PREX2: variants seen among roughly 807,000 people sequenced by gnomAD.
PREX2 encodes phosphatidylinositol-3,4,5-trisphosphate dependent Rac exchange factor 2, also known as phosphatidylinositol 3,4,5-trisphosphate-dependent Rac exchanger 2 protein.
PREX2 carries 107 observed loss-of-function variants against 203.2 expected under a neutral mutation model. The observed-to-expected ratio is 0.53, with a 90% confidence interval of 0.45 to 0.62. The LOEUF (loss-of-function observed/expected upper bound fraction) is 0.62, where lower values mean the gene tolerates loss of function less well. Ranked by LOEUF, PREX2 falls within the 20% of genes least tolerant of loss-of-function variation. PREX2 has a pLI of 0.00. For missense variants in PREX2, 1,777 were observed against 1,955.9 expected (o/e 0.91, Z 1.72); for synonymous variants, 672 against 663.6 (o/e 1.01, Z -0.19).
intron 1 of PREX2, among the ~76,000 whole-genome samples, chr8:67,988,206 C>T (rs1806492943): frequency 6.6e-6 from 1 of 152,188 alleles, no homozygotes; most frequent in African/African-American, 2.4e-5. Flanking sequence ...TCTGGTCAGC[C>T]TCTTCCCTCA....
intron 35 of PREX2, among the ~76,000 whole-genome samples, chr8:68,175,434 T>G (rs1811959703): frequency 6.6e-6 from 1 of 152,080 alleles, no homozygotes. Context: ...CTGTGCACCC[T>G]GTGGTACCAT....
intron 1 of PREX2, among the ~76,000 whole-genome samples, chr8:67,963,250 T>C (rs1374736720): frequency 2.6e-5 from 4 of 152,092 alleles, no homozygotes; most frequent in African/African-American, 9.7e-5. Flanking sequence ...TATGAGGATG[T>C]GATGGCAGGT....
chr8:68,211,519 T>C (rs1420272217), intron 37 of PREX2, among the ~76,000 whole-genome samples: 2 of 152,174 alleles, frequency 1.3e-5, no homozygotes, highest in Non-Finnish European at 2.9e-5. Flanking sequence ...TGGCCAGGTA[T>C]CACACTCATC....
intron 32 of PREX2, among the ~76,000 whole-genome samples, chr8:68,135,134 AT>A (rs979612922): frequency 2.6e-4 from 24 of 94,040 alleles, no homozygotes; most frequent in African/African-American, 8.3e-4. Context: ...TGAATTACAT[AT>A]GATAGGAAGC....
intron 21 of PREX2, among the ~76,000 whole-genome samples, chr8:68,093,999 G>T (rs1364081670): frequency 6.6e-6 from 1 of 152,176 alleles, no homozygotes; most frequent in Non-Finnish European, 1.5e-5. Context: ...TCTTTTTTGA[G>T]TGGAGAAAAC....
intron 14 of PREX2, among the ~76,000 whole-genome samples, chr8:68,075,664 G>T (rs183644010): frequency 1.2e-3 from 185 of 152,236 alleles, no homozygotes; most frequent in African/African-American, 4.2e-3. Context: ...GTGCTTGAGT[G>T]GTTTAATATA....
chr8:68,073,521 T>C (rs1012514636), intron 14 of PREX2, among the ~76,000 whole-genome samples: 6 of 152,198 alleles, frequency 3.9e-5, no homozygotes, highest in African/African-American at 4.8e-5. Flanking sequence ...ATTTTGATAA[T>C]TTATATTAGT....
chr8:68,083,391 A>C lies in PREX2; in HGVS notation c.2027+3A>C. 1 of 1,598,918 alleles carries C rather than the reference A, an allele frequency of 6.3e-7. No individual in the cohort carries two copies. The highest frequency in any genetic ancestry group is 8.5e-7 in the Non-Finnish European group (1 of 1,171,124). ...CTTGTGAGCACAAAGCCAAGAGAGT[A>C]AGTTGTATGATTTATGTGTGATTTT... On this transcript the variant is annotated splice_donor_region_variant and intron_variant, in intron 18 of 39. Coordinates refer to ENST00000288368, the MANE Select transcript of PREX2 (RefSeq NM_024870.4).
chr8:68,148,839 G>A (rs903665911), intron 34 of PREX2, among the ~76,000 whole-genome samples: 9 of 152,128 alleles, frequency 5.9e-5, no homozygotes, highest in African/African-American at 1.7e-4. Flanking sequence ...TTTATTTAAC[G>A]GGGGTGCAGA....
Position 68,177,712 on chromosome 8 carries a change from T to A in PREX2, c.4347-14010T>A, listed in dbSNP as rs111693922. 4.5e-3 allele frequency among the ~76,000 whole-genome samples: 683 copies of A among 152,298 alleles called. 4 individuals are homozygous for A. Among genetic ancestry groups the A allele is most frequent in the Non-Finnish European group, 5.9e-3 (401 of 68,020 alleles). ...TAGGTAAATGTGTGCCATGGTGGTT[T>A]ACTGTACAGATCATCCCATCACCTA... On this transcript the variant is annotated intron_variant, in intron 35 of 39. Transcript: ENST00000288368.
intron 1 of PREX2, among the ~76,000 whole-genome samples, chr8:67,997,505 A>T (rs1320981260): frequency 1.3e-5 from 2 of 152,166 alleles, no homozygotes; most frequent in Non-Finnish European, 2.9e-5. Flanking sequence ...ATTTGTTTTG[A>T]TTACTGTACC....
chr8:68,196,081 T>C (rs1812388869), intron 37 of PREX2, among the ~76,000 whole-genome samples: 1 of 152,072 alleles, frequency 6.6e-6, no homozygotes, highest in Admixed American at 6.6e-5. Flanking sequence ...TTGTTTTTAG[T>C]AAATTATCTT....
chr8:68,031,445 T>A (rs1032904902), intron 6 of PREX2, among the ~76,000 whole-genome samples: 4 of 152,190 alleles, frequency 2.6e-5, no homozygotes, highest in Admixed American at 6.6e-5. Flanking sequence ...AAATACTGTA[T>A]CACATAAAAC....
chr8:68,076,685 TCACACACACACACACA>T (rs57701553), intron 14 of PREX2, among the ~76,000 whole-genome samples: 45 of 143,786 alleles, frequency 3.1e-4, no homozygotes, highest in African/African-American at 1.0e-3. Flanking sequence ...AACTCTAAGG[TCACACACACACACACA>T]CACACACACA....
At chr8:67,962,854 T>C (rs1267174491) in intron 1 of PREX2, among the ~76,000 whole-genome samples, 1 of 152,058 alleles carries the variant, frequency 6.6e-6, no homozygotes, top group Non-Finnish European at 1.5e-5. Context: ...GTGATCCACC[T>C]GTCTCGGCCT....
At chr8:68,197,319 C>T (rs1812417599) in intron 37 of PREX2, among the ~76,000 whole-genome samples, 3 of 152,108 alleles carry the variant, frequency 2.0e-5, no homozygotes, top group South Asian at 4.2e-4. Flanking sequence ...ATGCTGTTCT[C>T]ATGATAGTGA....
At chr8:68,218,602 T>C (rs1812891259) in intron 38 of PREX2, among the ~76,000 whole-genome samples, 1 of 152,242 alleles carries the variant, frequency 6.6e-6, no homozygotes, top group Non-Finnish European at 1.5e-5. Context: ...TTTGTAATTA[T>C]GACTACTTTG....
intron 37 of PREX2, among the ~76,000 whole-genome samples, chr8:68,204,804 C>T (rs970968969): frequency 6.6e-6 from 1 of 150,624 alleles, no homozygotes; most frequent in Non-Finnish European, 1.5e-5. Context: ...GCCTCAGCCT[C>T]CCGAGTAGCT....
chr8:68,024,672 A>G (rs1807664082), intron 4 of PREX2, among the ~76,000 whole-genome samples: 2 of 151,688 alleles, frequency 1.3e-5, no homozygotes, highest in Non-Finnish European at 1.5e-5. Flanking sequence ...TACATGTGCC[A>G]TTTTATTACT....
Sources: allele counts gnomAD v4.1 joint callset (sites outside exome capture counted in the v4.1 genomes callset), GRCh38; gene constraint gnomAD v4.1.1; transcripts MANE v1.5; gene names NCBI Gene and HGNC (gene_info 2026-07-23, HGNC 2026-07-21).